Variants in ITSN2 observed in about 807,000 individuals in gnomAD.
The protein encoded by ITSN2 is intersectin-2.
In ITSN2, 156 loss-of-function variants were observed where a neutral mutation model predicts 243.7. The observed-to-expected ratio is 0.64, with a 90% confidence interval of 0.56 to 0.73. The LOEUF (loss-of-function observed/expected upper bound fraction) is 0.73. Ranked by LOEUF, ITSN2 falls within the 30% of genes least tolerant of loss-of-function variation. The pLI is 0.00. For synonymous variants in ITSN2, 703 were observed against 699.9 expected (o/e 1.00, Z -0.07); for missense variants, 1,801 against 1,996.1 (o/e 0.90, Z 1.86).
chr2:24,309,770 G>C (rs928213870), intron 7 of ITSN2, among the ~76,000 whole-genome samples: 1 of 152,168 alleles, frequency 6.6e-6, no homozygotes, highest in African/African-American at 2.4e-5. Context: ...GAATCAGTGA[G>C]TGTTCAAGCT....
At chr2:24,244,034 A>G (rs1673054988) in intron 29 of ITSN2, among the ~76,000 whole-genome samples, 1 of 152,212 alleles carries the variant, frequency 6.6e-6, no homozygotes, top group Non-Finnish European at 1.5e-5. Flanking sequence ...CTACAGGCAG[A>G]CTAAGGCTCT....
At chr2:24,341,745 G>T (rs1687064154) in intron 1 of ITSN2, among the ~76,000 whole-genome samples, 1 of 152,092 alleles carries the variant, frequency 6.6e-6, no homozygotes, top group Non-Finnish European at 1.5e-5. Context: ...GCATGGTGGT[G>T]AGTGCCTGTG....
chr2:24,301,522 ACTT>A (rs1469863021), intron 10 of ITSN2, among the ~76,000 whole-genome samples: 3 of 147,810 alleles, frequency 2.0e-5, no homozygotes, highest in Admixed American at 6.8e-5. Flanking sequence ...AAACACATCC[ACTT>A]CTTTTTTTTT....
rs895739839 is a variant in ITSN2, at chr2:24,303,788, G to A, written c.857+11C>T. 2 of 1,548,732 alleles carry A rather than the reference G, an allele frequency of 1.3e-6. No homozygotes were observed. The highest frequency in any genetic ancestry group is 1.8e-6 in the Non-Finnish European group (2 of 1,120,734). On this transcript the variant is annotated intron_variant, in intron 9 of 39. Transcript: ENST00000355123. The stretch of plus-strand genomic sequence containing the variant: ...TTAAATTAATCAAATGTAATTAAGG[G>A]ACAAACTTACCAAATAGTAGCCAGC...
intron 13 of ITSN2, among the ~76,000 whole-genome samples, chr2:24,296,140 A>AATAAAT (rs1680932654): frequency 1.3e-5 from 2 of 152,228 alleles, no homozygotes; most frequent in South Asian, 4.1e-4. Flanking sequence ...GATGAAGAGG[A>AATAAAT]ATAAATGTTT....
At chr2:24,344,494 C>G (rs1196042259) in intron 1 of ITSN2, among the ~76,000 whole-genome samples, 1 of 152,052 alleles carries the variant, frequency 6.6e-6, no homozygotes, top group East Asian at 1.9e-4. Flanking sequence ...TTTCATTTCT[C>G]TGATCATTAG....
chr2:24,280,132 C>T (rs7349329), intron 17 of ITSN2, among the ~76,000 whole-genome samples: 148,853 of 152,348 alleles, frequency 0.98, 72,722 homozygotes, highest in East Asian at 0.99. Flanking sequence ...GAGTAAAAAT[C>T]ATTAATTCTG....
chr2:24,257,304 G>A (rs1675181292), intron 23 of ITSN2, among the ~76,000 whole-genome samples: 1 of 152,058 alleles, frequency 6.6e-6, no homozygotes, highest in African/African-American at 2.4e-5. Context: ...AGGCAACAGA[G>A]TGAGACCCTG....
intron 17 of ITSN2, among the ~76,000 whole-genome samples, chr2:24,283,749 A>G (rs1679120387): frequency 6.6e-6 from 1 of 152,262 alleles, no homozygotes; most frequent in African/African-American, 2.4e-5. Flanking sequence ...AGGGACAAGA[A>G]TAACTGCTGG....
At position 24,271,779 on chromosome 2, in the gene ITSN2, A is replaced by G. The variant is rs375458359; in HGVS notation, c.2244T>C (p.Ala748=). 6.3e-6 allele frequency: 10 copies of G among 1,579,918 alleles called. No homozygotes were observed. The African/African-American group carries it at 8.3e-5, about 13-fold the overall frequency. Residue 748 remains alanine, a synonymous_variant, in exon 19 of 40, where the codon GCT becomes GCC. Transcript: ENST00000355123. The part of the protein sequence containing the change: ...KQRKDKDTLK[A]EEKKRETASV... The stretch of plus-strand genomic sequence containing the variant: ...CCTTATCCTTACGTTTTTTCTCCTC[A>G]GCTTTCAAAGTATCCTTATCCTTAC...
At chr2:24,295,624 T>C (rs756027183) in intron 14 of ITSN2, 40 bp downstream of exon 14, 28 of 1,445,476 alleles carry the variant, frequency 1.9e-5, no homozygotes, top group Non-Finnish European at 2.4e-5. Context: ...GAACTATTAA[T>C]TGTACATGTT....
chr2:24,352,644 T>C (rs1274994981), intron 1 of ITSN2, among the ~76,000 whole-genome samples: 3 of 152,180 alleles, frequency 2.0e-5, no homozygotes, highest in African/African-American at 7.2e-5. Flanking sequence ...TTATAAATAT[T>C]GAGTTTAGCC....
intron 20 of ITSN2, among the ~76,000 whole-genome samples, chr2:24,269,799 T>TTGGTTGTATCTCTTCA (rs1264958260): frequency 6.6e-6 from 1 of 152,060 alleles, no homozygotes; most frequent in Non-Finnish European, 1.5e-5. Context: ...CGCCCAGAGA[T>TTGGTTGTATCTCTTCA]TGGTTGTATC....
chr2:24,205,123 G>A (rs536646434), intron 38 of ITSN2, 91 bp downstream of exon 38: 9 of 1,046,860 alleles, frequency 8.6e-6, no homozygotes, highest in Admixed American at 7.0e-5. Context: ...CTCCAGCCTA[G>A]GTTATACACT....
At chr2:24,261,287 T>C in intron 21 of ITSN2, 37 bp from the exon 22 acceptor site, 1 of 1,471,304 alleles carries the variant, frequency 6.8e-7, no homozygotes, top group Middle Eastern at 1.8e-4. Flanking sequence ...TATATTTATT[T>C]GTTTAGAACT....
At chr2:24,285,290 T>G (rs1215161168) in intron 16 of ITSN2, among the ~76,000 whole-genome samples, 1 of 152,210 alleles carries the variant, frequency 6.6e-6, no homozygotes, top group African/African-American at 2.4e-5. Flanking sequence ...AAAATTTTTT[T>G]CTACTGAACA....
At chr2:24,333,544 T>A (rs763602378) in intron 1 of ITSN2, among the ~76,000 whole-genome samples, 1 of 152,266 alleles carries the variant, frequency 6.6e-6, no homozygotes, top group Admixed American at 6.5e-5. Context: ...GTATTTTGAA[T>A]ACTGTTAGTT....
At chr2:24,339,535 A>C (rs1280407732) in intron 1 of ITSN2, among the ~76,000 whole-genome samples, 1 of 151,476 alleles carries the variant, frequency 6.6e-6, no homozygotes, top group African/African-American at 2.4e-5. Flanking sequence ...CGCTCCTTGG[A>C]GTTCTAAAAG....
Position 24,271,769 on chromosome 2 carries a change from T to G in ITSN2, c.2254A>C (p.Lys752Gln), listed in dbSNP as rs1213351254. 9 of 1,579,920 alleles carry G rather than the reference T, an allele frequency of 5.7e-6. No homozygotes were observed. The highest frequency in any genetic ancestry group is 4.1e-5 in the African/African-American group (3 of 72,824). ...DKDTLKAEEK[K>Q]RETASVLVNY... ...CTCAAAGTATCCTTATCCTTACGTT[T>G]TTTCTCCTCAGCTTTCAAAGTATCC... Residue 752 changes from lysine to glutamine, a missense_variant, in exon 19 of 40, where the codon AAA becomes CAA. Physicochemically the swap from Lys to Gln is moderately conservative, Grantham distance 53. This residue lies in a region of ITSN2 where 787 missense variants were observed against 803.9 expected (regional missense o/e 0.98). Transcript: ENST00000355123.
Sources: gnomAD v4.1 joint callset for allele counts (sites outside exome capture counted in the v4.1 genomes callset) on GRCh38, gnomAD v4.1.1 for gene constraint, gnomAD v4.1.1 regional missense constraint, MANE v1.5 for transcripts, NCBI Gene and HGNC (gene_info 2026-07-23, HGNC 2026-07-21) for gene names.